RAD18: variants seen among roughly 807,000 people sequenced by gnomAD.
RAD18 encodes RAD18 E3 ubiquitin protein ligase, also known as E3 ubiquitin-protein ligase RAD18.
In RAD18, 47 loss-of-function variants were observed where a neutral mutation model predicts 60.4. The ratio of observed to expected loss-of-function variants is 0.78; its 90% confidence interval spans 0.62 to 0.99. The LOEUF (loss-of-function observed/expected upper bound fraction) is 0.99, where lower values mean the gene tolerates loss of function less well. Among genes scored for constraint, RAD18 ranks in the 50% least tolerant of loss-of-function variants. RAD18 has a pLI of 0.00. For missense variants in RAD18, 640 were observed against 593.3 expected (o/e 1.08, Z -0.82); for synonymous variants, 225 against 195.5 (o/e 1.15, Z -1.26).
At chr3:8,930,273 G>A (rs1408782807) in intron 7 of RAD18, among the ~76,000 whole-genome samples, 1 of 152,148 alleles carries the variant, frequency 6.6e-6, no homozygotes, top group Non-Finnish European at 1.5e-5. Context: ...GATAAACCTT[G>A]AAAACATTAT....
At chr3:8,894,499 A>G (rs560564321) in intron 11 of RAD18, among the ~76,000 whole-genome samples, 1 of 152,252 alleles carries the variant, frequency 6.6e-6, no homozygotes, top group East Asian at 1.9e-4. Flanking sequence ...ATTTTTTTCA[A>G]TGAGGAAACT....
intron 1 of RAD18, among the ~76,000 whole-genome samples, chr3:8,959,879 C>CAA (rs71307734): frequency 1.5e-3 from 95 of 63,240 alleles, no homozygotes; most frequent in Non-Finnish European, 2.4e-3. Flanking sequence ...GAAACTGTCT[C>CAA]AAAAAAAAAA....
chr3:8,882,724 C>T (rs1325359674), intron 12 of RAD18, among the ~76,000 whole-genome samples: 1 of 152,150 alleles, frequency 6.6e-6, no homozygotes, highest in Non-Finnish European at 1.5e-5. Context: ...CAATCCAGCC[C>T]CAACACTAAG....
rs139783220 is a variant in RAD18, at chr3:8,963,065, T to C, written c.51+270A>G. On this transcript the variant is annotated intron_variant, in intron 1 of 12. Coordinates refer to ENST00000264926, the MANE Select transcript of RAD18 (RefSeq NM_020165.4). ...TCATTGTTTGGAATAACTGTTTTTC[T>C]CCATGTTATTGTTGGGATTGGATCG... Among the ~76,000 whole-genome samples the C allele has an allele frequency of 5.6e-3, 851 of 152,326 alleles. 5 individuals are homozygous for C. Among genetic ancestry groups the C allele is most frequent in the African/African-American group, 0.019 (807 of 41,574 alleles).
At chr3:8,885,628 C>A (rs1294914606) in intron 12 of RAD18, among the ~76,000 whole-genome samples, 2 of 152,106 alleles carry the variant, frequency 1.3e-5, no homozygotes, top group African/African-American at 4.8e-5. Flanking sequence ...TTAACTCTGG[C>A]AGAGCCCAAA....
At chr3:8,930,615 C>T (rs1265681992) in intron 7 of RAD18, among the ~76,000 whole-genome samples, 2 of 151,784 alleles carry the variant, frequency 1.3e-5, no homozygotes, top group Non-Finnish European at 2.9e-5. Flanking sequence ...AATCATATCA[C>T]AAAATAAATA....
chr3:8,908,278 T>G (rs538439410), intron 9 of RAD18, among the ~76,000 whole-genome samples: 1 of 150,726 alleles, frequency 6.6e-6, no homozygotes, highest in East Asian at 1.9e-4. Flanking sequence ...TAAGCATTTT[T>G]TTTTTTCTTT....
At chr3:8,933,356 C>T (rs937964271) in intron 7 of RAD18, among the ~76,000 whole-genome samples, 3 of 152,066 alleles carry the variant, frequency 2.0e-5, no homozygotes, top group African/African-American at 7.2e-5. Flanking sequence ...GGAACTTTTG[C>T]TGATGAAGGA....
intron 3 of RAD18, 117 bp downstream of exon 3, chr3:8,948,392 T>C (rs1208867531): frequency 2.5e-6 from 2 of 813,656 alleles, no homozygotes; most frequent in Non-Finnish European, 1.9e-6. Context: ...ATGTCTTTCA[T>C]ATAGCTTAAT....
chr3:8,911,931 C>A (rs1019235828), intron 9 of RAD18, among the ~76,000 whole-genome samples: 2 of 152,144 alleles, frequency 1.3e-5, no homozygotes, highest in Non-Finnish European at 2.9e-5. Context: ...ATTTTTGGCA[C>A]AAATTTGCAA....
At chr3:8,921,957 C>T (rs569140651) in intron 7 of RAD18, among the ~76,000 whole-genome samples, 1 of 152,222 alleles carries the variant, frequency 6.6e-6, no homozygotes, top group South Asian at 2.1e-4. Context: ...AAGTCAGGGG[C>T]AGTTCCAAGA....
chr3:8,928,423 G>A (rs1940487541), intron 7 of RAD18, among the ~76,000 whole-genome samples: 1 of 151,874 alleles, frequency 6.6e-6, no homozygotes, highest in Non-Finnish European at 1.5e-5. Flanking sequence ...AACCATATAC[G>A]GCTTACAATA....
In RAD18 at chr3:8,959,415, G is replaced by A. The variant is rs377530195; in HGVS notation, c.52-414C>T. On this transcript the variant is annotated intron_variant, in intron 1 of 12. Transcript: ENST00000264926. The stretch of plus-strand genomic sequence containing the variant: ...TGGCCATTGCCACCACACAAGTTAA[G>A]AATCAAATCAAAGAATGTTAAAGCC... Among the ~76,000 whole-genome samples the A allele has an allele frequency of 7.9e-5, 12 of 152,314 alleles. 1 individual carries two copies. The South Asian group carries it at 2.1e-3, about 26-fold the overall frequency.
At chr3:8,929,142 T>C (rs977658912) in intron 7 of RAD18, among the ~76,000 whole-genome samples, 1 of 151,792 alleles carries the variant, frequency 6.6e-6, no homozygotes, top group Non-Finnish European at 1.5e-5. Context: ...GAGAACAATC[T>C]GAAATTATCT....
chr3:8,912,280 CT>C, intron 9 of RAD18, 31 bp downstream of exon 9: 2 of 1,462,248 alleles, frequency 1.4e-6, no homozygotes, highest in Admixed American at 2.3e-5. Context: ...AACTGAAGCT[CT>C]TTACAAATTA....
At chr3:8,944,668 GAGGGAGGA>G (rs2124833563) in intron 4 of RAD18, among the ~76,000 whole-genome samples, 1 of 144,566 alleles carries the variant, frequency 6.9e-6, no homozygotes, top group South Asian at 2.4e-4. Flanking sequence ...GGGAGGGAGG[GAGGGAGGA>G]AGGAAGGAAG....
rs1275494169 is a variant in RAD18, at chr3:8,939,593, CTG to C, written c.663_664del (p.Asp221GlufsTer28). ...CTTCTTCTCTTCGCGTGATAAACAGCTGTCTAAATGCTTATTAATGTGACTTT... is the reference window on the plus strand; with the variant it reads ...CTTCTTCTCTTCGCGTGATAAACAGCTCTAAATGCTTATTAATGTGACTTT... On this transcript the variant is annotated frameshift_variant, in exon 6 of 13. Transcript: ENST00000264926. LOFTEE classifies it high-confidence loss of function. The C allele has an allele frequency of 1.9e-6, 3 of 1,613,126 alleles. No homozygotes were observed. The highest frequency in any genetic ancestry group is 2.5e-6 in the Non-Finnish European group (3 of 1,179,340).
intron 9 of RAD18, among the ~76,000 whole-genome samples, chr3:8,908,774 GCTTT>G (rs1385595365): frequency 6.6e-6 from 1 of 152,154 alleles, no homozygotes; most frequent in Non-Finnish European, 1.5e-5. Context: ...ACTCTTCCTT[GCTTT>G]ATTTTTTCAC....
At chr3:8,885,770 T>G (rs557114833) in intron 12 of RAD18, among the ~76,000 whole-genome samples, 16 of 152,342 alleles carry the variant, frequency 1.1e-4, no homozygotes, top group Non-Finnish European at 2.2e-4. Context: ...CATGTCCTAA[T>G]GCATGCATGC....
Sources: allele counts gnomAD v4.1 joint callset (sites outside exome capture counted in the v4.1 genomes callset), GRCh38; gene constraint gnomAD v4.1.1; transcripts MANE v1.5; gene names NCBI Gene and HGNC (gene_info 2026-07-23, HGNC 2026-07-21).